Variants in MDFIC2 observed in about 807,000 individuals in gnomAD.
The protein encoded by MDFIC2 is MyoD family inhibitor domain containing 2, also known as myoD family inhibitor domain-containing protein 2.
At chr3:70,245,571 G>A (rs1701698872) in intron 2 of MDFIC2, among the ~76,000 whole-genome samples, 1 of 149,558 alleles carries the variant, frequency 6.7e-6, no homozygotes, top group Admixed American at 6.7e-5. Flanking sequence ...CTAGTAACTG[G>A]GTAATAAAGG....
intron 2 of MDFIC2, among the ~76,000 whole-genome samples, chr3:70,257,661 A>C (rs547409101): frequency 6.6e-6 from 1 of 152,240 alleles, no homozygotes; most frequent in Admixed American, 6.5e-5. Flanking sequence ...GAAGTTAAAG[A>C]CTACCTAAAT....
chr3:70,196,457 A>C lies in MDFIC2; in HGVS notation c.*469T>G, dbSNP rs1337216946. ...ATTTTTAATTACAAAATGATGTTAT[A>C]CAATACATTATTAATAATAACCAAC... On this transcript the variant is annotated 3_prime_UTR_variant, in exon 4 of 4. Transcript: ENST00000567252. Among the ~76,000 whole-genome samples, 1 of 152,066 alleles carries C rather than the reference A, an allele frequency of 6.6e-6. No homozygotes were observed. Among genetic ancestry groups the C allele is most frequent in the Non-Finnish European group, 1.5e-5 (1 of 67,966 alleles).
intron 2 of MDFIC2, among the ~76,000 whole-genome samples, chr3:70,232,956 A>C (rs1030865775): frequency 6.6e-6 from 1 of 152,176 alleles, no homozygotes; most frequent in African/African-American, 2.4e-5. Flanking sequence ...TGGAAGGCCA[A>C]GGGAGGCAGA....
intron 2 of MDFIC2, among the ~76,000 whole-genome samples, chr3:70,226,473 C>T (rs1384267592): frequency 6.6e-6 from 1 of 152,184 alleles, no homozygotes; most frequent in Non-Finnish European, 1.5e-5. Flanking sequence ...CGCAGTGGCT[C>T]ACGCCTGTAA....
chr3:70,301,342 T>C (rs574757177), intron 2 of MDFIC2, among the ~76,000 whole-genome samples: 1 of 152,256 alleles, frequency 6.6e-6, no homozygotes, highest in East Asian at 1.9e-4. Context: ...GATTTCATAC[T>C]GCAAAATTCC....
chr3:70,259,494 A>C (rs1701845983), intron 2 of MDFIC2, among the ~76,000 whole-genome samples: 2 of 152,146 alleles, frequency 1.3e-5, no homozygotes, highest in South Asian at 2.1e-4. Flanking sequence ...CTTGAAGGGC[A>C]GGGAGTCTGT....
At chr3:70,233,256 A>G (rs1193367488) in intron 2 of MDFIC2, among the ~76,000 whole-genome samples, 2 of 152,272 alleles carry the variant, frequency 1.3e-5, no homozygotes, top group African/African-American at 2.4e-5. Flanking sequence ...TCTGCAAAAG[A>G]TAAAAGCTGA....
chr3:70,273,267 A>T (rs1701991197), intron 2 of MDFIC2, among the ~76,000 whole-genome samples: 1 of 152,356 alleles, frequency 6.6e-6, no homozygotes, highest in African/African-American at 2.4e-5. Context: ...TGAGTTCATT[A>T]AATCTTAGTC....
chr3:70,275,756 T>C (rs1702018972), intron 2 of MDFIC2, among the ~76,000 whole-genome samples: 1 of 152,200 alleles, frequency 6.6e-6, no homozygotes, highest in South Asian at 2.1e-4. Flanking sequence ...AGTTATGAAG[T>C]ACTTTCAGAA....
At chr3:70,298,032 C>T (rs1702306431) in intron 2 of MDFIC2, among the ~76,000 whole-genome samples, 1 of 151,972 alleles carries the variant, frequency 6.6e-6, no homozygotes, top group African/African-American at 2.4e-5. Context: ...AGGGTCACAT[C>T]TAAGATTGAC....
At chr3:70,290,093 T>C (rs1403255924) in intron 2 of MDFIC2, among the ~76,000 whole-genome samples, 1 of 152,220 alleles carries the variant, frequency 6.6e-6, no homozygotes, top group Non-Finnish European at 1.5e-5. Flanking sequence ...CTTTGTTCCG[T>C]TGCTGGTGAG....
At position 70,278,776 on chromosome 3, in the gene MDFIC2, C is replaced by T. The variant is rs143382508; in HGVS notation, c.88+33110G>A. Reference sequence around the variant, plus strand: ...TTTCTACCAAGTAATAACTAGGAGGCCTTAACAAAGTCACTTATGTTTCCT... The same window carrying T: ...TTTCTACCAAGTAATAACTAGGAGGTCTTAACAAAGTCACTTATGTTTCCT... On this transcript the variant is annotated intron_variant, in intron 2 of 3. Coordinates refer to ENST00000567252, the MANE Select transcript of MDFIC2 (RefSeq NM_001364677.1). 5.1e-4 allele frequency among the ~76,000 whole-genome samples: 78 copies of T among 152,028 alleles called. 1 individual carries two copies. The highest frequency in any genetic ancestry group is 1.8e-3 in the African/African-American group (76 of 41,468).
rs145013227 is a variant in MDFIC2, at chr3:70,258,552, A to G, written c.89-51762T>C. ...TAGAGTCTCATTTTTTTAAGTTAGT[A>G]TGATCTGAATTTCTATCCATTGTAA... On this transcript the variant is annotated intron_variant, in intron 2 of 3. Coordinates refer to ENST00000567252, the MANE Select transcript of MDFIC2 (RefSeq NM_001364677.1). Among the ~76,000 whole-genome samples the G allele has an allele frequency of 4.6e-5, 7 of 152,260 alleles. No homozygotes were observed. In the East Asian group the frequency reaches 1.2e-3, roughly 25 times the overall value.
intron 2 of MDFIC2, among the ~76,000 whole-genome samples, chr3:70,291,666 G>A (rs1444222027): frequency 6.6e-6 from 1 of 152,172 alleles, no homozygotes; most frequent in Non-Finnish European, 1.5e-5. Flanking sequence ...TAACAGATTT[G>A]CTAGCTTTTT....
intron 2 of MDFIC2, among the ~76,000 whole-genome samples, chr3:70,269,729 G>A (rs1575611329): frequency 7.1e-6 from 1 of 141,318 alleles, no homozygotes; most frequent in Admixed American, 6.8e-5. Flanking sequence ...TGACAAAACT[G>A]TTTTAAAAAA....
At chr3:70,203,615 A>C (rs1263021304) in intron 3 of MDFIC2, among the ~76,000 whole-genome samples, 1 of 152,162 alleles carries the variant, frequency 6.6e-6, no homozygotes, top group Admixed American at 6.5e-5. Context: ...ACATTTTATA[A>C]GGTGACACTG....
intron 2 of MDFIC2, among the ~76,000 whole-genome samples, chr3:70,246,283 C>A (rs898714253): frequency 6.6e-6 from 1 of 152,064 alleles, no homozygotes; most frequent in Admixed American, 6.6e-5. Flanking sequence ...AAAGGTCACA[C>A]TTTGTTACTT....
intron 3 of MDFIC2, chr3:70,204,869 T>A (rs1483739719): frequency 6.6e-6 from 1 of 152,132 alleles, no homozygotes; most frequent in African/African-American, 2.4e-5. Flanking sequence ...TTCCCAGTTC[T>A]GGGATTTAAC....
At chr3:70,247,252 T>A (rs1483149178) in intron 2 of MDFIC2, among the ~76,000 whole-genome samples, 2 of 152,020 alleles carry the variant, frequency 1.3e-5, no homozygotes. Flanking sequence ...TGAGATATTC[T>A]TCAGCAGATG....
Sources: allele counts gnomAD v4.1 joint callset (sites outside exome capture counted in the v4.1 genomes callset), GRCh38; gene constraint gnomAD v4.1.1; transcripts MANE v1.5; gene names NCBI Gene and HGNC (gene_info 2026-07-23, HGNC 2026-07-21).